Variants in LUZP2 observed in about 807,000 individuals in gnomAD.
LUZP2 encodes the protein leucine zipper protein 2.
Under a neutral mutation model 51.6 loss-of-function variants are expected in LUZP2, and 52 were observed. The ratio of observed to expected loss-of-function variants is 1.01; its 90% CI spans 0.81 to 1.27. The LOEUF (loss-of-function observed/expected upper bound fraction) is 1.27, where lower values mean the gene tolerates loss of function less well. Among genes scored for constraint, LUZP2 ranks in the 50% most tolerant of loss-of-function variants. The probability of loss-of-function intolerance (pLI) is 0.00; values close to 1 mark genes in which losing one functional copy is unlikely to be tolerated. For synonymous variants in LUZP2, 154 were observed against 137.3 expected (o/e 1.12, Z -0.85); for missense variants, 436 against 395.4 (o/e 1.10, Z -0.87).
At chr11:24,536,461 G>C (rs1851182692) in intron 1 of LUZP2, among the ~76,000 whole-genome samples, 1 of 151,804 alleles carries the variant, frequency 6.6e-6, no homozygotes, top group Non-Finnish European at 1.5e-5. Flanking sequence ...TTCTCAATCA[G>C]CACTTGCTGC....
intron 9 of LUZP2, among the ~76,000 whole-genome samples, chr11:25,015,096 C>A: frequency 1.3e-5 from 2 of 152,080 alleles, no homozygotes; most frequent in Middle Eastern, 6.8e-3. Context: ...ATATTTTTGT[C>A]ATGTATAATT....
At chr11:24,681,413 G>A (rs1406623631) in intron 1 of LUZP2, among the ~76,000 whole-genome samples, 1 of 152,164 alleles carries the variant, frequency 6.6e-6, no homozygotes, top group Non-Finnish European at 1.5e-5. Context: ...AAGTGTAAGA[G>A]GAGATCTTTC....
intron 1 of LUZP2, among the ~76,000 whole-genome samples, chr11:24,683,488 G>T (rs751701148): frequency 1.3e-5 from 2 of 152,092 alleles, no homozygotes; most frequent in African/African-American, 2.4e-5. Context: ...CTCACTTTTA[G>T]TGGTAATAAT....
chr11:24,957,489 G>C (rs1332873451), intron 7 of LUZP2, among the ~76,000 whole-genome samples: 1 of 151,802 alleles, frequency 6.6e-6, no homozygotes, highest in South Asian at 2.1e-4. Flanking sequence ...TGTACCCTTT[G>C]ACTTCATCTT....
chr11:24,928,347 G>A (rs1386984043), intron 7 of LUZP2, among the ~76,000 whole-genome samples: 1 of 151,220 alleles, frequency 6.6e-6, no homozygotes, highest in African/African-American at 2.4e-5. Flanking sequence ...ACTTCTCCTT[G>A]TTTAGTACTG....
At chr11:24,505,035 G>A (rs531024260) in intron 1 of LUZP2, among the ~76,000 whole-genome samples, 140 of 152,158 alleles carry the variant, frequency 9.2e-4, no homozygotes, top group African/African-American at 3.2e-3. Context: ...GCTTGAAAAC[G>A]AGTAAGACTG....
intron 5 of LUZP2, among the ~76,000 whole-genome samples, chr11:24,855,439 T>A (rs551210629): frequency 6.6e-6 from 1 of 152,280 alleles, no homozygotes; most frequent in African/African-American, 2.4e-5. Context: ...GTAAGGAAAC[T>A]ACTAAAACTA....
intron 1 of LUZP2, among the ~76,000 whole-genome samples, chr11:24,669,624 G>T (rs1856335730): frequency 6.6e-6 from 1 of 151,930 alleles, no homozygotes; most frequent in Non-Finnish European, 1.5e-5. Flanking sequence ...GAGGAGAAGA[G>T]AGCACATTGT....
intron 4 of LUZP2, among the ~76,000 whole-genome samples, chr11:24,743,817 A>G (rs1825728): frequency 0.4 from 59,968 of 151,770 alleles, 12,100 homozygotes; most frequent in East Asian, 0.59. Flanking sequence ...GTATTATGTC[A>G]GCTGTGGGTT....
At chr11:24,910,715 A>G (rs534073428) in intron 6 of LUZP2, among the ~76,000 whole-genome samples, 268 of 152,338 alleles carry the variant, frequency 1.8e-3, no homozygotes, top group African/African-American at 6.1e-3. Flanking sequence ...GGCGGAAGCC[A>G]CATGGATAAC....
chr11:24,876,182 T>C (rs1014318633), intron 5 of LUZP2, among the ~76,000 whole-genome samples: 1 of 149,240 alleles, frequency 6.7e-6, no homozygotes, highest in African/African-American at 2.5e-5. Flanking sequence ...CATGCCTATG[T>C]CCTGAATGGT....
At chr11:24,713,540 G>T (rs1462969006) in intron 1 of LUZP2, among the ~76,000 whole-genome samples, 3 of 151,794 alleles carry the variant, frequency 2.0e-5, no homozygotes, top group African/African-American at 7.3e-5. Context: ...GCAAAAAATA[G>T]AAAATAAAAG....
intron 3 of LUZP2, among the ~76,000 whole-genome samples, chr11:24,734,691 T>C (rs971077587): frequency 6.6e-5 from 10 of 151,946 alleles, no homozygotes; most frequent in Non-Finnish European, 1.3e-4. Flanking sequence ...GTGTGTATAT[T>C]ATGGTAAAAG....
chr11:24,847,054 AATT>A (rs569526923), intron 5 of LUZP2, among the ~76,000 whole-genome samples: 23 of 151,852 alleles, frequency 1.5e-4, no homozygotes, highest in African/African-American at 4.1e-4. Context: ...ATACATTTCT[AATT>A]ATTAATATTA....
intron 4 of LUZP2, among the ~76,000 whole-genome samples, chr11:24,744,978 C>T (rs907784977): frequency 1.3e-5 from 2 of 152,128 alleles, no homozygotes; most frequent in Non-Finnish European, 2.9e-5. Flanking sequence ...AGTGCTCATT[C>T]AGGAGCAGGT....
At chr11:24,917,864 C>T (rs79304236) in intron 7 of LUZP2, among the ~76,000 whole-genome samples, 1 of 152,082 alleles carries the variant, frequency 6.6e-6, no homozygotes, top group Non-Finnish European at 1.5e-5. Flanking sequence ...TTTTCCAATT[C>T]TGTGAAGAAA....
intron 1 of LUZP2, among the ~76,000 whole-genome samples, chr11:24,562,768 A>G (rs1470518902): frequency 6.6e-6 from 1 of 151,364 alleles, no homozygotes; most frequent in Non-Finnish European, 1.5e-5. Flanking sequence ...AGGCTGAGGC[A>G]GGAGAATGGC....
At chr11:25,032,961 T>C (rs1857734641) in intron 9 of LUZP2, among the ~76,000 whole-genome samples, 1 of 152,218 alleles carries the variant, frequency 6.6e-6, no homozygotes, top group Non-Finnish European at 1.5e-5. Context: ...TTGTTGGCTC[T>C]AATTTAGAAA....
intron 9 of LUZP2, among the ~76,000 whole-genome samples, chr11:25,022,535 T>A (rs1157469962): frequency 6.6e-6 from 1 of 152,090 alleles, no homozygotes; most frequent in African/African-American, 2.4e-5. Context: ...AATAATTTTA[T>A]AAAAGCCATG....
Sources: allele counts gnomAD v4.1 joint callset (sites outside exome capture counted in the v4.1 genomes callset), GRCh38; gene constraint gnomAD v4.1.1; transcripts MANE v1.5; gene names NCBI Gene and HGNC (gene_info 2026-07-23, HGNC 2026-07-21).